The following IMPG2 variants were observed in gnomAD, a reference collection of about 807,000 sequenced individuals.
IMPG2 encodes the protein IPM 200.
IMPG2 carries 91 observed loss-of-function variants against 129.2 expected under a neutral mutation model. That is an observed-to-expected ratio of 0.70 (90% CI 0.59 to 0.84). The LOEUF (loss-of-function observed/expected upper bound fraction) is 0.84, where lower values mean the gene tolerates loss of function less well. Among genes scored for constraint, IMPG2 ranks in the 40% least tolerant of loss-of-function variants. The pLI is 0.00. For synonymous variants in IMPG2, 510 were observed against 517.7 expected (o/e 0.99, Z 0.20); for missense variants, 1,430 against 1,461.7 (o/e 0.98, Z 0.35).
intron 9 of IMPG2, among the ~76,000 whole-genome samples, chr3:101,264,457 A>C (rs879714193): frequency 1.3e-5 from 2 of 152,120 alleles, no homozygotes. Context: ...AAACCATATG[A>C]TCATCATAAT....
In IMPG2 at chr3:101,274,157, C is replaced by T. The variant is rs1283358278; in HGVS notation, c.667-415G>A. Among the ~76,000 whole-genome samples, 5 of 152,106 alleles carry T rather than the reference C, an allele frequency of 3.3e-5. No homozygotes were observed. The East Asian group carries it at 7.7e-4, about 23-fold the overall frequency. On this transcript the variant is annotated intron_variant, in intron 6 of 18. Coordinates refer to ENST00000193391, the MANE Select transcript of IMPG2 (RefSeq NM_016247.4). ...TTAGTGAGCCAAGATCCACTGCACT[C>T]CAGCCTGGGTGACGGAGCAATACTC...
Position 101,275,738 on chromosome 3 carries a change from A to G in IMPG2, c.591T>C (p.Thr197=). Reference sequence around the variant, plus strand: ...CCACCTCTGGATGTGGAACACTGAGAGTAGTGTCTAAGAAGAAAAGCAAAA... The same window carrying G: ...CCACCTCTGGATGTGGAACACTGAGGGTAGTGTCTAAGAAGAAAAGCAAAA... ...VGDTSTLGDT[T]LSVPHPEVDA... The change falls in exon 6 of 19, where the codon ACT becomes ACC. Residue 197 remains threonine, a synonymous_variant. Coordinates refer to ENST00000193391, the MANE Select transcript of IMPG2 (RefSeq NM_016247.4). The G allele has an allele frequency of 6.2e-7, 1 of 1,613,488 alleles. No homozygotes were observed. Among genetic ancestry groups the G allele is most frequent in the East Asian group, 2.2e-5 (1 of 44,876 alleles).
intron 11 of IMPG2, among the ~76,000 whole-genome samples, chr3:101,253,327 G>C (rs553717078): frequency 9.2e-5 from 14 of 152,088 alleles, no homozygotes; most frequent in African/African-American, 3.1e-4. Flanking sequence ...AAAAATCTAC[G>C]CTCTATACCT....
rs775111361 is a variant in IMPG2 at position 101,229,529 on chromosome 3, C to T, written c.3484G>A (p.Val1162Met). The T allele has an allele frequency of 3.1e-5, 50 of 1,613,822 alleles. No individual in the cohort carries two copies. Among genetic ancestry groups the T allele is most frequent in the Non-Finnish European group, 3.6e-5 (43 of 1,180,014 alleles). Residue 1162 changes from valine (V) to methionine (M), a missense_variant, in exon 17 of 19, where the codon GTG becomes ATG. By Grantham distance (21) the Val-to-Met change is conservative. Coordinates refer to ENST00000193391, the MANE Select transcript of IMPG2 (RefSeq NM_016247.4). ...SIENAVKYNP[V>M]YESHRAGCEK... ...CATCCAGCCCTGTGACTTTCATACA[C>T]GGGGTTGTACTTCACAGCATTCTCA...
At chr3:101,280,738 G>T (rs745791590) in intron 4 of IMPG2, among the ~76,000 whole-genome samples, 1 of 152,060 alleles carries the variant, frequency 6.6e-6, no homozygotes, top group Non-Finnish European at 1.5e-5. Flanking sequence ...CTGAGGTCAG[G>T]AGTTCGAAAC....
At chr3:101,269,285 C>T (rs1440965429) in intron 8 of IMPG2, among the ~76,000 whole-genome samples, 1 of 152,192 alleles carries the variant, frequency 6.6e-6, no homozygotes, top group African/African-American at 2.4e-5. Flanking sequence ...AATTCTTAAC[C>T]TAGCCAATTT....
intron 9 of IMPG2, among the ~76,000 whole-genome samples, chr3:101,265,518 C>T (rs903369930): frequency 6.6e-6 from 1 of 152,086 alleles, no homozygotes; most frequent in African/African-American, 2.4e-5. Context: ...AACTAGACCC[C>T]TCAGCTCTCA....
chr3:101,291,590 A>G, intron 3 of IMPG2, 80 bp from the exon 4 acceptor site: 1 of 952,590 alleles, frequency 1.0e-6, no homozygotes, highest in East Asian at 2.5e-5. Context: ...CATAGAGACC[A>G]CTACTGCCCT....
chr3:101,294,229 C>G (rs1015969952), intron 3 of IMPG2, among the ~76,000 whole-genome samples: 1 of 151,956 alleles, frequency 6.6e-6, no homozygotes, highest in Non-Finnish European at 1.5e-5. Flanking sequence ...TGTCCTAATG[C>G]TCTCCCTCCC....
At chr3:101,265,002 C>T (rs1020496463) in intron 9 of IMPG2, among the ~76,000 whole-genome samples, 1 of 151,826 alleles carries the variant, frequency 6.6e-6, no homozygotes, top group Non-Finnish European at 1.5e-5. Flanking sequence ...GGTGAAAGAC[C>T]TCTGCAAGAA....
rs1553682270 is a variant in IMPG2, at chr3:101,256,220, A to AG, written c.1153+1308_1153+1309insC. ...AAGAAAGAAAGAAAGAAAGAAAGAA[A>AG]AAAATATCTTATTTGGGAAATAAGA... On this transcript the variant is annotated intron_variant, in intron 10 of 18. Coordinates refer to ENST00000193391, the MANE Select transcript of IMPG2 (RefSeq NM_016247.4). Among the ~76,000 whole-genome samples the AG allele has an allele frequency of 8.1e-4, 122 of 150,510 alleles. 1 individual carries two copies. Among genetic ancestry groups the AG allele is most frequent in the East Asian group, 3.5e-3 (18 of 5,136 alleles).
In IMPG2 at chr3:101,228,880, A is replaced by G. The variant is rs746000492; in HGVS notation, c.3634-4T>C. 3 of 1,611,266 alleles carry G rather than the reference A, an allele frequency of 1.9e-6. No homozygotes were observed. Among genetic ancestry groups the G allele is most frequent in the Admixed American group, 3.3e-5 (2 of 59,966 alleles). On this transcript the variant is annotated splice_region_variant and splice_polypyrimidine_tract_variant and intron_variant, in intron 17 of 18. Transcript: ENST00000193391. ...CTCTCATTCTCTCTTGAATTTCCTT[A>G]AACAAAAAAGAAACAATAGGCCACA...
Position 101,278,714 on chromosome 3 carries a change from C to A in IMPG2, c.534-2001G>T, listed in dbSNP as rs866970980. 1.2e-3 allele frequency among the ~76,000 whole-genome samples: 175 copies of A among 144,828 alleles called. 1 individual carries two copies. In the East Asian group the frequency reaches 0.015, roughly 13 times the overall value. ...AGAAACATAAGTTAAAAAAAAAAAA[C>A]AAACTTCACCATAAAGATCTTTCTG... is the stretch of plus-strand genomic sequence containing the variant. On this transcript the variant is annotated intron_variant, in intron 4 of 18. Transcript: ENST00000193391.
intron 14 of IMPG2, among the ~76,000 whole-genome samples, chr3:101,241,521 G>A (rs538442730): frequency 4.7e-4 from 72 of 152,304 alleles, no homozygotes; most frequent in Non-Finnish European, 7.2e-4. Flanking sequence ...CCATTCAAGA[G>A]TACCATGGGG....
intron 10 of IMPG2, among the ~76,000 whole-genome samples, chr3:101,254,306 T>G (rs1706576163): frequency 6.6e-6 from 1 of 152,100 alleles, no homozygotes; most frequent in Admixed American, 6.6e-5. Flanking sequence ...CAACAAAAAT[T>G]TAATGAATCC....
Position 101,232,934 on chromosome 3 carries a change from A to G in IMPG2, c.3080T>C (p.Val1027Ala), listed in dbSNP as rs1328582287. 3 of 1,613,920 alleles carry G rather than the reference A, an allele frequency of 1.9e-6. No individual in the cohort carries two copies. Among genetic ancestry groups the G allele is most frequent in the Admixed American group, 3.3e-5 (2 of 59,980 alleles). The change falls in exon 15 of 19, where the codon GTC (valine) becomes GCC (alanine). Residue 1027 changes from valine (V) to alanine (A), a missense_variant. Transcript: ENST00000193391. ...CTTTGCTTCTCCACTCCAGGGGTTG[A>G]CCAGACACTCTGAAAATTCATTACA... is the stretch of plus-strand genomic sequence containing the variant. ...QACNEFSECLVNPWSGEAKCR... is the reference protein window; with the variant it reads ...QACNEFSECLANPWSGEAKCR...
chr3:101,276,781 G>T, intron 4 of IMPG2, 68 bp from the exon 5 acceptor site: 3 of 1,279,124 alleles, frequency 2.3e-6, no homozygotes, highest in Admixed American at 3.6e-5. Flanking sequence ...GGATTTTTGG[G>T]GTTGTTTTCC....
rs576284901 is a variant in IMPG2, at chr3:101,262,491, ATGC to A, written c.909-4721_909-4719del. On this transcript the variant is annotated intron_variant, in intron 9 of 18. Transcript: ENST00000193391. Reference sequence around the variant, plus strand: ...TTTATCAGCTGGTTAATTCCTGACAATGCTGAATAATTTTGAAAACTATACCTA... The same window carrying A: ...TTTATCAGCTGGTTAATTCCTGACAATGAATAATTTTGAAAACTATACCTA... Among the ~76,000 whole-genome samples the A allele has an allele frequency of 9.2e-5, 14 of 152,162 alleles. No homozygotes were observed. In the South Asian group the frequency reaches 1.4e-3, roughly 16 times the overall value.
intron 14 of IMPG2, among the ~76,000 whole-genome samples, chr3:101,233,238 C>A (rs1706309701): frequency 6.6e-6 from 1 of 152,200 alleles, no homozygotes; most frequent in Admixed American, 6.5e-5. Context: ...TAAGCCTTAA[C>A]ATATTTTATC....
Sources: allele counts gnomAD v4.1 joint callset (sites outside exome capture counted in the v4.1 genomes callset), GRCh38; gene constraint gnomAD v4.1.1; transcripts MANE v1.5; gene names NCBI Gene and HGNC (gene_info 2026-07-23, HGNC 2026-07-21).